BEND5: variants seen among roughly 807,000 people sequenced by gnomAD.
BEND5 encodes the protein BEN domain-containing protein 5.
BEND5 carries 22 observed loss-of-function variants against 43.9 expected under a neutral mutation model. That is an observed-to-expected ratio of 0.50 (90% CI 0.36 to 0.72). The LOEUF (loss-of-function observed/expected upper bound fraction) is 0.72. Among genes scored for constraint, BEND5 ranks in the 30% least tolerant of loss-of-function variants. The pLI is 0.00. For missense variants in BEND5, 428 were observed against 550.6 expected, an observed-to-expected ratio of 0.78 and a Z score of 2.23; for synonymous variants, 228 against 225.9, an observed-to-expected ratio of 1.01 and a Z score of -0.08.
At chr1:48,767,225 T>C (rs1437652292) in intron 1 of BEND5, among the ~76,000 whole-genome samples, 1 of 152,202 alleles carries the variant, frequency 6.6e-6, no homozygotes, top group Admixed American at 6.5e-5. Context: ...AGTTAACCTG[T>C]CTGAGACTCA....
At position 48,776,740 on chromosome 1, in the gene BEND5, T is replaced by C; in HGVS notation, c.92A>G (p.Asp31Gly). ...VRDFSPRSRL[D>G]FDNQKVYAVY... ...GGCGTACACCTTCTGGTTGTCAAAA[T>C]CCAGCCGCGAGCGGGGGCTGAAGTC... Residue 31 changes from aspartate to glycine, a missense_variant, in exon 1 of 6, where the codon GAT (aspartate) becomes GGT (glycine). Asp to Gly is a moderately conservative substitution (Grantham distance 94). Transcript: ENST00000371833. 1 of 1,527,378 alleles carries C rather than the reference T, an allele frequency of 6.5e-7. No individual in the cohort carries two copies. Among genetic ancestry groups the C allele is most frequent in the Non-Finnish European group, 8.8e-7 (1 of 1,137,830 alleles). The allele number at this position is 1,527,378 out of a possible 1,614,324, so 94.6% of individuals were successfully genotyped here. A position where few individuals can be genotyped will look rare whatever the true frequency, so the allele number is the denominator to read the frequency against.
At chr1:48,751,796 C>T (rs779311796) in intron 3 of BEND5, among the ~76,000 whole-genome samples, 10 of 152,172 alleles carry the variant, frequency 6.6e-5, no homozygotes, top group Non-Finnish European at 1.2e-4. Context: ...AAGGGACAGC[C>T]TGGAGTTGTC....
intron 3 of BEND5, among the ~76,000 whole-genome samples, chr1:48,752,889 A>C (rs1000178764): frequency 6.6e-6 from 1 of 152,116 alleles, no homozygotes; most frequent in Non-Finnish European, 1.5e-5. Flanking sequence ...AGCTGGGACT[A>C]CAGGCACGCG....
chr1:48,769,054 G>A (rs1644674726), intron 1 of BEND5, among the ~76,000 whole-genome samples: 1 of 152,168 alleles, frequency 6.6e-6, no homozygotes. Flanking sequence ...TTGGTGATTA[G>A]TCCTCTCTTG....
rs1323935275 is a variant in BEND5, at chr1:48,761,342, T to C, written c.355A>G (p.Ile119Val). Reference protein sequence around the residue: ...YGEEDLQLRHIKRPEGRKPSE... With the variant: ...YGEEDLQLRHVKRPEGRKPSE... ...GAAAGGAAAGATTTTGTTACCTTGA[T>C]GTGTCTAAGCTGTAAATCTTCTTCC... Residue 119 changes from isoleucine (I) to valine (V), a missense_variant, in exon 2 of 6, where the codon ATC becomes GTC. By Grantham distance (29) the Ile-to-Val change is conservative. This residue lies in a region of BEND5 where 243 missense variants were observed against 286.4 expected (regional missense o/e 0.85). Coordinates refer to ENST00000371833, the MANE Select transcript of BEND5 (RefSeq NM_024603.4). The C allele has an allele frequency of 1.3e-6, 2 of 1,548,438 alleles. No individual in the cohort carries two copies. Among genetic ancestry groups the C allele is most frequent in the Non-Finnish European group, 1.7e-6 (2 of 1,145,972 alleles).
At chr1:48,750,077 A>C (rs546095535) in intron 3 of BEND5, among the ~76,000 whole-genome samples, 34 of 152,102 alleles carry the variant, frequency 2.2e-4, no homozygotes, top group Admixed American at 1.7e-3. Context: ...TCAATCCATG[A>C]CCCTGACCTC....
intron 5 of BEND5, among the ~76,000 whole-genome samples, chr1:48,733,671 A>C (rs1366810168): frequency 6.6e-6 from 1 of 152,180 alleles, no homozygotes; most frequent in Non-Finnish European, 1.5e-5. Context: ...GCACTGCTAC[A>C]ATCCTAGGCA....
rs11441549 is a variant in BEND5 at position 48,728,482 on chromosome 1, CTT to C, written c.1109-441_1109-440del. On this transcript the variant is annotated intron_variant, in intron 5 of 5. Transcript: ENST00000371833. Reference sequence around the variant, plus strand: ...GTGCCCACTCTATCATTCTGACTTGCTTTTTTTTTTTTTTTTACTCAAATGTT... The same window carrying C: ...GTGCCCACTCTATCATTCTGACTTGCTTTTTTTTTTTTTTACTCAAATGTT... 5.6e-3 allele frequency among the ~76,000 whole-genome samples: 770 copies of C among 137,050 alleles called. 6 individuals are homozygous for C. Among genetic ancestry groups the C allele is most frequent in the Non-Finnish European group, 9.7e-3 (624 of 64,048 alleles). 89.9% of individuals were successfully genotyped at this position (137,050 alleles called of 152,430 possible). A position where few individuals can be genotyped will look rare whatever the true frequency, so the allele number is the denominator to read the frequency against.
Position 48,776,687 on chromosome 1 carries a change from C to G in BEND5, c.145G>C (p.Ala49Pro). 1 of 1,513,486 alleles carries G rather than the reference C, an allele frequency of 6.6e-7. No homozygotes were observed. The highest frequency in any genetic ancestry group is 2.2e-5 in the Admixed American group (1 of 45,904). 93.8% of individuals were successfully genotyped at this position (1,513,486 alleles called of 1,614,324 possible). ...AVYRGPEELG[A>P]GPESPPRAPR... ...GCGCGCGGGGGGCTCTCGGGCCCGG[C>G]GCCCAATTCCTCCGGGCCCCGGTAC... is the stretch of plus-strand genomic sequence containing the variant. The change falls in exon 1 of 6, where the codon GCC becomes CCC. Residue 49 changes from alanine (A) to proline (P), a missense_variant. By Grantham distance (27) the Ala-to-Pro change is conservative (BLOSUM62 -1). This residue lies in a region of BEND5 where 107 missense variants were observed against 98.8 expected (regional missense o/e 1.08). Transcript: ENST00000371833.
At chr1:48,764,985 C>G (rs1466587523) in intron 1 of BEND5, among the ~76,000 whole-genome samples, 1 of 152,134 alleles carries the variant, frequency 6.6e-6, no homozygotes, top group East Asian at 1.9e-4. Flanking sequence ...CCTCATTCCC[C>G]CACCAGCTAT....
intron 1 of BEND5, among the ~76,000 whole-genome samples, chr1:48,762,269 T>C (rs1413375374): frequency 6.6e-6 from 1 of 152,220 alleles, no homozygotes; most frequent in Non-Finnish European, 1.5e-5. Flanking sequence ...AAGGATATTA[T>C]TTCTACTCAT....
chr1:48,735,970 TC>T (rs1416812077), intron 5 of BEND5, among the ~76,000 whole-genome samples: 1 of 152,158 alleles, frequency 6.6e-6, no homozygotes, highest in East Asian at 1.9e-4. Flanking sequence ...TATCCTCCCC[TC>T]CTGAGAACTC....
intron 4 of BEND5, among the ~76,000 whole-genome samples, chr1:48,738,819 G>A (rs563531001): frequency 3.9e-4 from 59 of 152,112 alleles, no homozygotes; most frequent in African/African-American, 1.3e-3. Flanking sequence ...TTGAGTACCT[G>A]GTTCACGTAC....
At chr1:48,737,942 G>A (rs1328478850) in intron 4 of BEND5, among the ~76,000 whole-genome samples, 1 of 152,194 alleles carries the variant, frequency 6.6e-6, no homozygotes, top group Admixed American at 6.5e-5. Context: ...AAAGGTCCTT[G>A]TTTTCAGAAA....
rs58396843 is a variant in BEND5 at position 48,762,614 on chromosome 1, T to TTGTGTGTG, written c.227-1152_227-1145dup. ...TAGTTAAATCCAGTCTTTAAGGGTT[T>TTGTGTGTG]TGTGTGTGTGTGTGTGTGTGTGTGT... On this transcript the variant is annotated intron_variant, in intron 1 of 5. Transcript: ENST00000371833. 3.2e-3 allele frequency among the ~76,000 whole-genome samples: 241 copies of TTGTGTGTG among 75,154 alleles called. 3 individuals are homozygous for TTGTGTGTG. The highest frequency in any genetic ancestry group is 9.1e-3 in the African/African-American group (229 of 25,270). 49.3% of individuals were successfully genotyped at this position (75,154 alleles called of 152,430 possible).
At position 48,776,516 on chromosome 1, in the gene BEND5, C is replaced by T. The variant is rs540364639; in HGVS notation, c.226+90G>A. ...GGCAGGAAGGAGCAAGCAGTGGCTC[C>T]CCCCGGTCCCCTCCGCCCGGGCCCC... On this transcript the variant is annotated intron_variant, in intron 1 of 5. Transcript: ENST00000371833. 42 of 960,666 alleles carry T rather than the reference C, an allele frequency of 4.4e-5. No individual in the cohort carries two copies. In the African/African-American group the frequency reaches 6.6e-4, roughly 15 times the overall value. 59.5% of individuals were successfully genotyped at this position (960,666 alleles called of 1,614,324 possible).
At chr1:48,735,995 T>C (rs1254443288) in intron 5 of BEND5, among the ~76,000 whole-genome samples, 1 of 152,192 alleles carries the variant, frequency 6.6e-6, no homozygotes, top group Non-Finnish European at 1.5e-5. Context: ...TAGCACACCA[T>C]CTGTCCCTTT....
intron 5 of BEND5, among the ~76,000 whole-genome samples, chr1:48,730,519 G>T (rs1647936434): frequency 6.6e-6 from 1 of 152,168 alleles, no homozygotes; most frequent in African/African-American, 2.4e-5. Context: ...GAGAAGGCAG[G>T]AGAGTGGGTG....
intron 4 of BEND5, among the ~76,000 whole-genome samples, chr1:48,738,884 G>C (rs1649479855): frequency 6.6e-6 from 1 of 152,092 alleles, no homozygotes; most frequent in South Asian, 2.1e-4. Context: ...GACCTTAAGA[G>C]ATGGAAATAG....
Sources: gnomAD v4.1 joint callset for allele counts (sites outside exome capture counted in the v4.1 genomes callset) on GRCh38, gnomAD v4.1.1 for gene constraint, gnomAD v4.1.1 regional missense constraint, MANE v1.5 for transcripts, NCBI Gene and HGNC (gene_info 2026-07-23, HGNC 2026-07-21) for gene names.